Variants in PCGF5 observed in about 807,000 individuals in gnomAD.
PCGF5 encodes polycomb group ring finger 5, also known as polycomb group RING finger protein 5.
In PCGF5, 9 loss-of-function variants were observed where a neutral mutation model predicts 44.3. The ratio of observed to expected loss-of-function variants is 0.20; its 90% CI spans 0.12 to 0.35. PCGF5 has a LOEUF of 0.35. Ranked by LOEUF, PCGF5 falls within the 10% of genes least tolerant of loss-of-function variation. The pLI is 1.00. For synonymous variants in PCGF5, 95 were observed against 102.5 expected (o/e 0.93, Z 0.44); for missense variants, 146 against 305.3 (o/e 0.48, Z 3.89).
intron 1 of PCGF5, among the ~76,000 whole-genome samples, chr10:91,181,982 C>A (rs1268980640): frequency 6.6e-6 from 1 of 150,898 alleles, no homozygotes; most frequent in African/African-American, 2.4e-5. Flanking sequence ...CATTATTGGT[C>A]TGTTCAGGAA....
intron 8 of PCGF5, 106 bp downstream of exon 8, chr10:91,264,626 G>C (rs986815533): frequency 3.5e-6 from 3 of 845,700 alleles, no homozygotes; most frequent in Non-Finnish European, 3.6e-6. Context: ...GCTTGGGAAG[G>C]AGAAGAAACT....
chr10:91,234,417 T>G (rs1316712795), intron 2 of PCGF5, among the ~76,000 whole-genome samples: 1 of 152,208 alleles, frequency 6.6e-6, no homozygotes, highest in African/African-American at 2.4e-5. Flanking sequence ...TGTACTGCAT[T>G]CAAAGATAGG....
At chr10:91,201,290 G>A (rs1186059668) in intron 1 of PCGF5, among the ~76,000 whole-genome samples, 1 of 152,118 alleles carries the variant, frequency 6.6e-6, no homozygotes, top group Admixed American at 6.6e-5. Flanking sequence ...ACATGGTGAG[G>A]GGCTGAGTGT....
chr10:91,197,198 G>A (rs138423836), intron 1 of PCGF5, among the ~76,000 whole-genome samples: 2 of 152,288 alleles, frequency 1.3e-5, no homozygotes, highest in East Asian at 3.9e-4. Context: ...CAGCAGCGTA[G>A]CCTGTCTCCA....
At chr10:91,185,929 G>C (rs1175286426) in intron 1 of PCGF5, among the ~76,000 whole-genome samples, 7 of 152,110 alleles carry the variant, frequency 4.6e-5, no homozygotes, top group Non-Finnish European at 8.8e-5. Context: ...CAGGTACCTG[G>C]ATGTTTCAAT....
At chr10:91,208,264 AT>A (rs1364958353) in intron 1 of PCGF5, among the ~76,000 whole-genome samples, 1 of 152,044 alleles carries the variant, frequency 6.6e-6, no homozygotes, top group African/African-American at 2.4e-5. Flanking sequence ...GGACTCATGG[AT>A]TATTTTCTTT....
chr10:91,235,184 A>C (rs887443454), intron 2 of PCGF5, among the ~76,000 whole-genome samples: 2 of 152,130 alleles, frequency 1.3e-5, no homozygotes, highest in Non-Finnish European at 2.9e-5. Flanking sequence ...CCTGGTGCGA[A>C]TCTCCTAGAT....
chr10:91,189,244 C>T (rs1181182863), intron 1 of PCGF5, among the ~76,000 whole-genome samples: 2 of 152,188 alleles, frequency 1.3e-5, no homozygotes, highest in African/African-American at 4.8e-5. Context: ...TCCAGACATC[C>T]TCTCTTGACC....
At chr10:91,204,870 A>G (rs1324929375) in intron 1 of PCGF5, among the ~76,000 whole-genome samples, 2 of 152,198 alleles carry the variant, frequency 1.3e-5, no homozygotes, top group African/African-American at 2.4e-5. Context: ...TCTGGGCACA[A>G]TGGTGAAAGA....
chr10:91,228,761 A>G (rs1255480347), intron 2 of PCGF5, among the ~76,000 whole-genome samples: 1 of 152,200 alleles, frequency 6.6e-6, no homozygotes, highest in Non-Finnish European at 1.5e-5. Context: ...CTACATACAC[A>G]TGCTACTCAA....
intron 8 of PCGF5, among the ~76,000 whole-genome samples, chr10:91,266,731 T>G (rs963006454): frequency 6.6e-6 from 1 of 152,206 alleles, no homozygotes; most frequent in Non-Finnish European, 1.5e-5. Flanking sequence ...TTTTTCCAGT[T>G]GCTCAGACCA....
rs780105104 is a variant in PCGF5 at position 91,271,210 on chromosome 10, G to A, written c.664-428G>A. Among the ~76,000 whole-genome samples, 57 of 151,992 alleles carry A rather than the reference G, an allele frequency of 3.8e-4. 1 individual carries two copies. The highest frequency in any genetic ancestry group is 7.6e-4 in the Non-Finnish European group (52 of 67,996). ...CCTTACAGGTTGAGCGGAGTTCCAC[G>A]TCCCTCCCAGAGCTCTGATTTCCTT... is the stretch of plus-strand genomic sequence containing the variant. On this transcript the variant is annotated intron_variant, in intron 8 of 9. Coordinates refer to ENST00000336126, the MANE Select transcript of PCGF5 (RefSeq NM_032373.5).
At chr10:91,261,828 G>T (rs1476795788) in intron 7 of PCGF5, among the ~76,000 whole-genome samples, 1 of 152,134 alleles carries the variant, frequency 6.6e-6, no homozygotes, top group Non-Finnish European at 1.5e-5. Flanking sequence ...TTATCACAAG[G>T]AATTTCATAA....
chr10:91,258,392 G>C (rs1329947631), intron 6 of PCGF5, among the ~76,000 whole-genome samples: 2 of 152,074 alleles, frequency 1.3e-5, no homozygotes, highest in Non-Finnish European at 2.9e-5. Context: ...AAATGGTTGG[G>C]ACCAGAAGTT....
rs958724188 is a variant in PCGF5, at chr10:91,186,259, G to T, written c.-184+23178G>T. On this transcript the variant is annotated intron_variant, in intron 1 of 9. Transcript: ENST00000614189. ...TTTTGCCCCGACTCTCACAGCTGTGGTGTACCAGGCGTTCATTCACCAGTA... is the reference window on the plus strand; with the variant it reads ...TTTTGCCCCGACTCTCACAGCTGTGTTGTACCAGGCGTTCATTCACCAGTA... Among the ~76,000 whole-genome samples, 21 of 152,172 alleles carry T rather than the reference G, an allele frequency of 1.4e-4. 1 individual carries two copies. Among genetic ancestry groups the T allele is most frequent in the African/African-American group, 5.1e-4 (21 of 41,430 alleles).
At position 91,238,601 on chromosome 10, in the gene PCGF5, C is replaced by CTTTTTTTTTTTTTTTTT. The variant is rs71487496; in HGVS notation, c.113-1869_113-1853dup. On this transcript the variant is annotated intron_variant, in intron 2 of 9. Transcript: ENST00000336126. The stretch of plus-strand genomic sequence containing the variant: ...CTCTCATTTCTTTCTTTCTTTCTTT[C>CTTTTTTTTTTTTTTTTT]TTTTTTTTTTTTTTTTTTTTTTTTT... 1.1e-3 allele frequency among the ~76,000 whole-genome samples: 62 copies of CTTTTTTTTTTTTTTTTT among 58,494 alleles called. 4 individuals carry two copies. The highest frequency in any genetic ancestry group is 1.4e-3 in the Non-Finnish European group (45 of 32,768). 38.4% of individuals were successfully genotyped at this position (58,494 alleles called of 152,430 possible). A position where few individuals can be genotyped will look rare whatever the true frequency, so the allele number is the denominator to read the frequency against.
chr10:91,208,622 A>G (rs949546973), intron 1 of PCGF5, among the ~76,000 whole-genome samples: 3 of 152,180 alleles, frequency 2.0e-5, no homozygotes, highest in Non-Finnish European at 4.4e-5. Flanking sequence ...ATGGAAGAGA[A>G]TGATCTCTTG....
intron 9 of PCGF5, among the ~76,000 whole-genome samples, chr10:91,271,951 C>T (rs1433334798): frequency 6.6e-6 from 1 of 152,194 alleles, no homozygotes; most frequent in Non-Finnish European, 1.5e-5. Flanking sequence ...TTAATAATTA[C>T]TACTTTCAGT....
At chr10:91,249,375 A>G (rs1448104812) in intron 5 of PCGF5, among the ~76,000 whole-genome samples, 2 of 16 alleles carry the variant, frequency 0.12, no homozygotes, top group East Asian at 0.5. Context: ...TTTAGTGTAT[A>G]TATATATATA....
Sources: allele counts gnomAD v4.1 joint callset (sites outside exome capture counted in the v4.1 genomes callset), GRCh38; gene constraint gnomAD v4.1.1; transcripts MANE v1.5; gene names NCBI Gene and HGNC (gene_info 2026-07-23, HGNC 2026-07-21).